The following CHRM3 variants were observed in gnomAD, a reference collection of about 807,000 sequenced individuals.
CHRM3 encodes the protein muscarinic acetylcholine receptor M3.
Under a neutral mutation model 41.8 loss-of-function variants are expected in CHRM3, and 11 were observed. The ratio of observed to expected loss-of-function variants is 0.26; its 90% CI spans 0.17 to 0.44. The LOEUF is 0.44. Ranked by LOEUF, CHRM3 falls within the 20% of genes least tolerant of loss-of-function variation. CHRM3 has a pLI of 1.00. For missense variants in CHRM3, 571 were observed against 745.4 expected (o/e 0.77, Z 2.72); for synonymous variants, 297 against 301.4 (o/e 0.99, Z 0.15).
chr1:239,836,588 T>A (rs1382543458), intron 6 of CHRM3, among the ~76,000 whole-genome samples: 2 of 152,106 alleles, frequency 1.3e-5, no homozygotes, highest in Admixed American at 1.3e-4. Context: ...ACCTTGAACC[T>A]CCTTTTCACC....
intron 1 of CHRM3, among the ~76,000 whole-genome samples, chr1:239,393,288 A>C (rs538676855): frequency 6.6e-6 from 1 of 152,342 alleles, no homozygotes; most frequent in East Asian, 1.9e-4. Flanking sequence ...ATAGTCATTT[A>C]AAAATGTTAT....
chr1:239,914,507 G>A lies in CHRM3; in HGVS notation c.*5283G>A, dbSNP rs2103075530. ...GCAATAAGGAGAAATATTTTAAATA[G>A]ATTTGAAGTTGTGAACAAATAATTT... is the stretch of plus-strand genomic sequence containing the variant. On this transcript the variant is annotated 3_prime_UTR_variant, in exon 7 of 7. Coordinates refer to ENST00000676153, the MANE Select transcript of CHRM3 (RefSeq NM_001375978.1). 6.0e-6 allele frequency: 1 copy of A among 167,144 alleles called. No individual in the cohort carries two copies. Among genetic ancestry groups the A allele is most frequent in the Admixed American group, 6.5e-5 (1 of 15,292 alleles). The allele number at this position is 167,144 out of a possible 1,614,324, so 10.4% of individuals were successfully genotyped here. A position where few individuals can be genotyped will look rare whatever the true frequency, so the allele number is the denominator to read the frequency against.
At chr1:239,642,545 C>T (rs1356352791) in intron 4 of CHRM3, among the ~76,000 whole-genome samples, 1 of 152,158 alleles carries the variant, frequency 6.6e-6, no homozygotes, top group Non-Finnish European at 1.5e-5. Context: ...CCTCTTCTTC[C>T]AGTTGATCGC....
intron 3 of CHRM3, among the ~76,000 whole-genome samples, chr1:239,586,829 G>T (rs1455769393): frequency 6.6e-6 from 1 of 152,116 alleles, no homozygotes; most frequent in Non-Finnish European, 1.5e-5. Flanking sequence ...TAAAAGTTTG[G>T]ATTGCCAACT....
At chr1:239,884,315 G>C (rs1164383164) in intron 6 of CHRM3, among the ~76,000 whole-genome samples, 1 of 152,130 alleles carries the variant, frequency 6.6e-6, no homozygotes, top group African/African-American at 2.4e-5. Flanking sequence ...TGTAACCATG[G>C]AGGCAGAGAT....
At chr1:239,594,805 C>G (rs1296328283) in intron 3 of CHRM3, among the ~76,000 whole-genome samples, 2 of 152,176 alleles carry the variant, frequency 1.3e-5, no homozygotes, top group East Asian at 1.9e-4. Flanking sequence ...AAAATTGTAT[C>G]AGGCCTAGGC....
intron 5 of CHRM3, among the ~76,000 whole-genome samples, chr1:239,685,022 T>G (rs1399368346): frequency 1.3e-5 from 2 of 152,218 alleles, no homozygotes; most frequent in African/African-American, 4.8e-5. Flanking sequence ...CTGTATCCTC[T>G]CTTGCTCTAG....
rs1310002126 is a variant in CHRM3 at position 239,910,198 on chromosome 1, A to T, written c.*974A>T. ...AGCTCAAAGAATGAACCACATCCAC[A>T]CGTTTGAATTTAATCATCTAAATCT... On this transcript the variant is annotated 3_prime_UTR_variant, in exon 7 of 7. Transcript: ENST00000676153. 6.0e-6 allele frequency: 1 copy of T among 166,958 alleles called. No homozygotes were observed. The highest frequency in any genetic ancestry group is 2.1e-4 in the South Asian group (1 of 4,828). 10.3% of individuals were successfully genotyped at this position (166,958 alleles called of 1,614,324 possible).
intron 5 of CHRM3, among the ~76,000 whole-genome samples, chr1:239,741,924 A>G (rs966187770): frequency 6.6e-6 from 1 of 152,156 alleles, no homozygotes; most frequent in Non-Finnish European, 1.5e-5. Context: ...CATTGTCTGC[A>G]AGAGGTAAAG....
At chr1:239,579,982 T>G (rs1233414837) in intron 3 of CHRM3, among the ~76,000 whole-genome samples, 1 of 152,064 alleles carries the variant, frequency 6.6e-6, no homozygotes, top group Admixed American at 6.6e-5. Flanking sequence ...TGAACTCAGG[T>G]TCCCTGGCTC....
At chr1:239,751,382 CT>C (rs1377304826) in intron 5 of CHRM3, among the ~76,000 whole-genome samples, 10 of 151,872 alleles carry the variant, frequency 6.6e-5, no homozygotes, top group Admixed American at 6.6e-4. Context: ...TTTTGTTATT[CT>C]AGGGGAAAAT....
intron 6 of CHRM3, among the ~76,000 whole-genome samples, chr1:239,887,554 C>T (rs564572581): frequency 4.1e-4 from 63 of 152,284 alleles, no homozygotes; most frequent in African/African-American, 1.4e-3. Context: ...ATTAAACCTT[C>T]AGAAACTTGA....
At chr1:239,742,955 G>C (rs566894466) in intron 5 of CHRM3, among the ~76,000 whole-genome samples, 1 of 152,126 alleles carries the variant, frequency 6.6e-6, no homozygotes, top group South Asian at 2.1e-4. Flanking sequence ...GGTCTTTTTG[G>C]ACAGCTACCA....
In CHRM3 at chr1:239,748,289, C is replaced by A. The variant is rs1665538476; in HGVS notation, c.-147+70001C>A. On this transcript the variant is annotated intron_variant, in intron 5 of 6. Transcript: ENST00000676153. The surrounding 1 kb of genome is among the most constrained non-coding windows in gnomAD (Gnocchi z 4.3). ...TTCTCATTATGGGATTCACATTCCT[C>A]ATTTTTTGTTTCCTTTTGGTTTTGC... Among the ~76,000 whole-genome samples, 1 of 152,196 alleles carries A rather than the reference C, an allele frequency of 6.6e-6. No individual in the cohort carries two copies. Among genetic ancestry groups the A allele is most frequent in the African/African-American group, 2.4e-5 (1 of 41,452 alleles).
chr1:239,730,671 A>G (rs945681887), intron 5 of CHRM3, among the ~76,000 whole-genome samples: 5 of 152,018 alleles, frequency 3.3e-5, no homozygotes, highest in Non-Finnish European at 5.9e-5. Context: ...TGAGTGAACC[A>G]TGGACGCTGA....
chr1:239,662,749 C>T (rs948069143), intron 4 of CHRM3, among the ~76,000 whole-genome samples: 3 of 151,434 alleles, frequency 2.0e-5, no homozygotes, highest in African/African-American at 4.9e-5. Flanking sequence ...GTTTGTTTTT[C>T]GCTCCTCCTC....
intron 2 of CHRM3, among the ~76,000 whole-genome samples, chr1:239,500,799 T>C (rs1668192434): frequency 6.6e-6 from 1 of 152,140 alleles, no homozygotes; most frequent in Non-Finnish European, 1.5e-5. Flanking sequence ...ACCTTGAATG[T>C]AAGTGGCCTA....
At chr1:239,461,468 G>A (rs1159500955) in intron 1 of CHRM3, among the ~76,000 whole-genome samples, 1 of 151,918 alleles carries the variant, frequency 6.6e-6, no homozygotes, top group Non-Finnish European at 1.5e-5. Flanking sequence ...TTACATTGTG[G>A]GACAACTGGT....
intron 1 of CHRM3, among the ~76,000 whole-genome samples, chr1:239,458,535 G>A (rs932633696): frequency 6.6e-6 from 1 of 152,112 alleles, no homozygotes; most frequent in Non-Finnish European, 1.5e-5. Flanking sequence ...TTTAAATGCT[G>A]AGTATATTTA....
Sources: allele counts gnomAD v4.1 joint callset (sites outside exome capture counted in the v4.1 genomes callset), GRCh38; gene constraint gnomAD v4.1.1; non-coding constraint Gnocchi (gnomAD v3.1); transcripts MANE v1.5; gene names NCBI Gene and HGNC (gene_info 2026-07-23, HGNC 2026-07-21).